The following JAZF1 variants were observed in gnomAD, a reference collection of about 807,000 sequenced individuals.
JAZF1 encodes the protein juxtaposed with another zinc finger protein 1.
Under a neutral mutation model 26.4 loss-of-function variants are expected in JAZF1, and 8 were observed. The ratio of observed to expected loss-of-function variants is 0.30; its 90% confidence interval spans 0.18 to 0.55. The LOEUF is 0.55. JAZF1 is among the 20% of genes least tolerant of loss of function. JAZF1 has a pLI of 0.94. For missense variants in JAZF1, 199 were observed against 322.0 expected, an observed-to-expected ratio of 0.62 and a Z score of 2.92; for synonymous variants, 126 against 122.3, an observed-to-expected ratio of 1.03 and a Z score of -0.20.
intron 1 of JAZF1, among the ~76,000 whole-genome samples, chr7:28,041,008 C>T (rs1330670207): frequency 6.6e-6 from 1 of 152,118 alleles, no homozygotes; most frequent in Non-Finnish European, 1.5e-5. Context: ...ATTTCTATTA[C>T]ATAGATAACA....
At chr7:27,857,551 G>C (rs1355410795) in intron 3 of JAZF1, among the ~76,000 whole-genome samples, 1 of 152,244 alleles carries the variant, frequency 6.6e-6, no homozygotes, top group East Asian at 1.9e-4. Context: ...TGCGAGGGCT[G>C]CCAGCATGCT....
At chr7:28,147,455 T>C (rs2011926) in intron 1 of JAZF1, among the ~76,000 whole-genome samples, 136,761 of 152,014 alleles carry the variant, frequency 0.9, 61,781 homozygotes, top group East Asian at 0.98. Flanking sequence ...ACTTAACATA[T>C]TTCTTTCAGA....
chr7:27,937,803 C>T (rs1304216930), intron 2 of JAZF1, among the ~76,000 whole-genome samples: 2 of 152,158 alleles, frequency 1.3e-5, no homozygotes, highest in Non-Finnish European at 1.5e-5. Flanking sequence ...TCAAAAGCAA[C>T]ATACCTTTCC....
chr7:27,948,151 G>C (rs1278739942), intron 2 of JAZF1, among the ~76,000 whole-genome samples: 1 of 152,040 alleles, frequency 6.6e-6, no homozygotes, highest in Admixed American at 6.6e-5. Context: ...GAGAGGTCCT[G>C]GGGAGCCTGA....
chr7:28,014,883 G>C (rs1782858696), intron 1 of JAZF1, among the ~76,000 whole-genome samples: 1 of 152,204 alleles, frequency 6.6e-6, no homozygotes, highest in Non-Finnish European at 1.5e-5. Context: ...GTGGCATAAA[G>C]ATGGTGGGCT....
At chr7:27,931,701 C>T (rs1218273907) in intron 2 of JAZF1, among the ~76,000 whole-genome samples, 3 of 152,120 alleles carry the variant, frequency 2.0e-5, no homozygotes, top group Non-Finnish European at 4.4e-5. Flanking sequence ...ACCTGTAATC[C>T]CAGCTACTCG....
intron 2 of JAZF1, among the ~76,000 whole-genome samples, chr7:27,907,015 C>T (rs1359454197): frequency 6.6e-6 from 1 of 152,014 alleles, no homozygotes; most frequent in African/African-American, 2.4e-5. Flanking sequence ...GCGTAACTTT[C>T]CCCATAAACT....
chr7:28,148,211 C>CA (rs1783056570), intron 1 of JAZF1, among the ~76,000 whole-genome samples: 1 of 152,026 alleles, frequency 6.6e-6, no homozygotes, highest in East Asian at 1.9e-4. Context: ...GCTGGGATTA[C>CA]AGGCACGCAC....
At chr7:28,108,519 GA>G (rs1784590740) in intron 1 of JAZF1, among the ~76,000 whole-genome samples, 1 of 152,248 alleles carries the variant, frequency 6.6e-6, no homozygotes, top group African/African-American at 2.4e-5. Flanking sequence ...GTTTCTTACG[GA>G]TCTGATCATC....
intron 1 of JAZF1, among the ~76,000 whole-genome samples, chr7:28,154,778 C>T (rs860262): frequency 6.6e-6 from 1 of 151,378 alleles, no homozygotes; most frequent in Admixed American, 6.6e-5. Context: ...TCTGTAACAT[C>T]ATTGATTATA....
intron 1 of JAZF1, among the ~76,000 whole-genome samples, chr7:28,114,116 A>T (rs181553173): frequency 6.6e-6 from 1 of 152,384 alleles, no homozygotes; most frequent in Non-Finnish European, 1.5e-5. Context: ...TTAACAAGCA[A>T]GAATAACTTT....
chr7:27,912,370 C>T (rs1272757210), intron 2 of JAZF1, among the ~76,000 whole-genome samples: 1 of 152,188 alleles, frequency 6.6e-6, no homozygotes, highest in African/African-American at 2.4e-5. Context: ...AAAGTCTGCT[C>T]ACAATGCAGG....
chr7:27,977,457 T>C (rs998055433), intron 2 of JAZF1, among the ~76,000 whole-genome samples: 2 of 152,186 alleles, frequency 1.3e-5, no homozygotes, highest in Non-Finnish European at 2.9e-5. Flanking sequence ...AGCAAAGTCC[T>C]TATTTCTAAT....
intron 2 of JAZF1, among the ~76,000 whole-genome samples, chr7:27,986,091 T>C (rs139851218): frequency 0.034 from 5,196 of 152,206 alleles, 321 homozygotes; most frequent in African/African-American, 0.12. Flanking sequence ...CTATTCAACA[T>C]AGTGTTGGAA....
intron 1 of JAZF1, among the ~76,000 whole-genome samples, chr7:27,995,896 T>C (rs1435263112): frequency 6.6e-6 from 1 of 152,140 alleles, no homozygotes; most frequent in East Asian, 1.9e-4. Flanking sequence ...GCAAGGCAGA[T>C]AGCAGAAATA....
chr7:28,007,568 C>CA (rs538366542), intron 1 of JAZF1, among the ~76,000 whole-genome samples: 1,698 of 134,004 alleles, frequency 0.013, 20 homozygotes, highest in African/African-American at 0.031. Context: ...GACTCCATCT[C>CA]AAAAAAAAAA....
chr7:27,927,412 C>T (rs934167493), intron 2 of JAZF1, among the ~76,000 whole-genome samples: 2 of 152,224 alleles, frequency 1.3e-5, no homozygotes, highest in African/African-American at 4.8e-5. Flanking sequence ...CATCTACTCT[C>T]TGTGACAATG....
intron 1 of JAZF1, among the ~76,000 whole-genome samples, chr7:28,125,120 G>A (rs1042522478): frequency 6.7e-6 from 1 of 148,202 alleles, no homozygotes; most frequent in African/African-American, 2.5e-5. Flanking sequence ...CACTGAGAAG[G>A]TGCAATTATG....
chr7:27,946,248 G>C (rs11971132), intron 2 of JAZF1, among the ~76,000 whole-genome samples: 27,802 of 152,102 alleles, frequency 0.18, 3,272 homozygotes, highest in East Asian at 0.45. Context: ...ATATCCAGGA[G>C]ATATGTTTAA....
Sources: gnomAD v4.1 joint callset for allele counts (sites outside exome capture counted in the v4.1 genomes callset) on GRCh38, gnomAD v4.1.1 for gene constraint, MANE v1.5 for transcripts, NCBI Gene and HGNC (gene_info 2026-07-23, HGNC 2026-07-21) for gene names.